The following RYR3 variants were observed in gnomAD, a reference collection of about 807,000 sequenced individuals.
RYR3 encodes ryanodine receptor 3, also known as brain ryanodine receptor-calcium release channel.
A neutral mutation model predicts 584.3 loss-of-function variants in RYR3; 207 were observed. That is an observed-to-expected ratio of 0.35 (90% CI 0.32 to 0.40). The LOEUF is 0.40. Among genes scored for constraint, RYR3 ranks in the 10% least tolerant of loss-of-function variants. The pLI is 1.00. For synonymous variants in RYR3, 2,416 were observed against 2,248.5 expected (o/e 1.07, Z -2.11); for missense variants, 5,616 against 6,089.2 (o/e 0.92, Z 2.59).
chr15:33,334,637 T>C (rs1170315982), intron 1 of RYR3, among the ~76,000 whole-genome samples: 1 of 152,060 alleles, frequency 6.6e-6, no homozygotes, highest in Admixed American at 6.6e-5. Flanking sequence ...AATTTCATAA[T>C]GAAGATGCCA....
intron 1 of RYR3, among the ~76,000 whole-genome samples, chr15:33,388,252 C>A (rs1440339246): frequency 6.6e-6 from 1 of 152,152 alleles, no homozygotes; most frequent in African/African-American, 2.4e-5. Context: ...ATTTAGATTT[C>A]TCTTCCCAGC....
chr15:33,403,719 A>G (rs1158960119), intron 1 of RYR3, among the ~76,000 whole-genome samples: 1 of 152,202 alleles, frequency 6.6e-6, no homozygotes, highest in East Asian at 1.9e-4. Flanking sequence ...TTTGTCTCCC[A>G]TTTGCTTCAT....
At chr15:33,461,247 T>A (rs2048021590) in intron 1 of RYR3, among the ~76,000 whole-genome samples, 2 of 152,086 alleles carry the variant, frequency 1.3e-5, no homozygotes, top group Admixed American at 6.5e-5. Flanking sequence ...CCCGGCCTAC[T>A]AATATCCAAC....
intron 4 of RYR3, among the ~76,000 whole-genome samples, chr15:33,530,910 GTTTC>G (rs1156310261): frequency 6.6e-6 from 1 of 152,062 alleles, no homozygotes; most frequent in Non-Finnish European, 1.5e-5. Context: ...AGAGGGCCAT[GTTTC>G]TTTCTTATTT....
rs1405964077 is a variant in RYR3 at position 33,662,496 on chromosome 15, G to C, written c.4966G>C (p.Gly1656Arg). 1 of 1,613,928 alleles carries C rather than the reference G, an allele frequency of 6.2e-7. No individual in the cohort carries two copies. Among genetic ancestry groups the C allele is most frequent in the African/African-American group, 1.3e-5 (1 of 75,012 alleles). Residue 1656 changes from glycine (G) to arginine (R), a missense_variant, in exon 35 of 104, where the codon GGC (glycine) becomes CGC (arginine). Physicochemically the swap from Gly to Arg is moderately radical, Grantham distance 125. Coordinates refer to ENST00000634891, the MANE Select transcript of RYR3 (RefSeq NM_001036.6). ...CAAGAGGCATGGACTGCCTGGGGTGGGCCTGAGAACATGTCTCAAGCCCGG... is the reference window on the plus strand; with the variant it reads ...CAAGAGGCATGGACTGCCTGGGGTGCGCCTGAGAACATGTCTCAAGCCCGG... ...ESKRHGLPGVGLRTCLKPGFR... is the reference protein window; with the variant it reads ...ESKRHGLPGVRLRTCLKPGFR...
At chr15:33,709,724 C>T (rs1241309043) in intron 43 of RYR3, among the ~76,000 whole-genome samples, 1 of 152,194 alleles carries the variant, frequency 6.6e-6, no homozygotes. Context: ...CCTCCAGAAT[C>T]ATGAGCCAAA....
At chr15:33,479,326 C>G (rs1245651824) in intron 2 of RYR3, among the ~76,000 whole-genome samples, 1 of 151,992 alleles carries the variant, frequency 6.6e-6, no homozygotes, top group Non-Finnish European at 1.5e-5. Context: ...ACAGACTCAT[C>G]CTAAGGTTGT....
intron 67 of RYR3, among the ~76,000 whole-genome samples, chr15:33,789,829 C>T (rs1431141469): frequency 5.6e-5 from 8 of 142,086 alleles, no homozygotes; most frequent in Non-Finnish European, 1.2e-4. Flanking sequence ...CGCAGGCCAC[C>T]ATGCCTGGCT....
At chr15:33,500,438 A>G (rs1297799690) in intron 2 of RYR3, among the ~76,000 whole-genome samples, 1 of 152,234 alleles carries the variant, frequency 6.6e-6, no homozygotes, top group Non-Finnish European at 1.5e-5. Context: ...TTTATGGAGC[A>G]TGGAGGATAT....
intron 98 of RYR3, 111 bp downstream of exon 98, chr15:33,855,023 G>A (rs2079498987): frequency 1.7e-6 from 2 of 1,155,526 alleles, no homozygotes; most frequent in Non-Finnish European, 2.3e-6. Flanking sequence ...GGTATATAAT[G>A]TACTTTTCTT....
intron 1 of RYR3, among the ~76,000 whole-genome samples, chr15:33,368,394 A>G (rs372388207): frequency 2.5e-5 from 3 of 122,008 alleles, no homozygotes; most frequent in African/African-American, 9.9e-5. Flanking sequence ...CAAGGTCTGG[A>G]TAACTAGTCT....
intron 1 of RYR3, among the ~76,000 whole-genome samples, chr15:33,444,191 G>A (rs1214246781): frequency 6.6e-6 from 1 of 152,140 alleles, no homozygotes; most frequent in African/African-American, 2.4e-5. Flanking sequence ...AGGGCCAAGA[G>A]GCTGTCACAG....
chr15:33,790,345 C>T (rs560810098), intron 67 of RYR3, among the ~76,000 whole-genome samples: 49 of 152,108 alleles, frequency 3.2e-4, no homozygotes, highest in African/African-American at 1.1e-3. Context: ...TTGATGGTGG[C>T]TGAGGCCAAG....
At chr15:33,503,530 T>C in intron 2 of RYR3, 101 bp from the exon 3 acceptor site, 5 of 700,906 alleles carry the variant, frequency 7.1e-6, no homozygotes, top group South Asian at 1.8e-5. Flanking sequence ...TCCATCCAAC[T>C]GTCATTTTGA....
At chr15:33,378,020 G>A (rs1481795206) in intron 1 of RYR3, among the ~76,000 whole-genome samples, 1 of 152,120 alleles carries the variant, frequency 6.6e-6, no homozygotes, top group African/African-American at 2.4e-5. Flanking sequence ...AGACTCAAGT[G>A]ATCCTCCTGC....
chr15:33,618,200 A>T (rs1015322142), intron 19 of RYR3, among the ~76,000 whole-genome samples: 1 of 152,232 alleles, frequency 6.6e-6, no homozygotes, highest in Admixed American at 6.5e-5. Context: ...GCATCATAGA[A>T]TATATTTTAT....
rs570978145 is a variant in RYR3, at chr15:33,748,205, C to T, written c.8081C>T (p.Ala2694Val). 7.4e-6 allele frequency: 12 copies of T among 1,613,850 alleles called. No homozygotes were observed. Among genetic ancestry groups the T allele is most frequent in the African/African-American group, 1.3e-5 (1 of 74,932 alleles). The change falls in exon 54 of 104, where the codon GCT (alanine) becomes GTT (valine). Residue 2694 changes from alanine to valine, a missense_variant. Ala to Val is a moderately conservative substitution (Grantham distance 64). Around this residue, in one of 9 missense-constraint regions of RYR3, gnomAD observed 1,280 missense variants for 1,426.2 expected, o/e 0.90. Transcript: ENST00000634891. ...GTGGAGAGGACCAAAGAGGGAGAAG[C>T]TTTGGTTCAACAGCGGGAAAATGAG... ...WTVERTKEGE[A>V]LVQQRENEKL... is the part of the protein sequence containing the mutation.
intron 2 of RYR3, among the ~76,000 whole-genome samples, chr15:33,477,576 A>T (rs2049497821): frequency 2.2e-4 from 4 of 18,074 alleles, no homozygotes; most frequent in South Asian, 1.1e-3. Context: ...TTGTTTTGTT[A>T]AAAAAAAAAA....
At position 33,859,711 on chromosome 15, in the gene RYR3, T is replaced by C; in HGVS notation, c.14279T>C (p.Ile4760Thr). ...DITFFFFVIV[I>T]LLAIIQGLII... ...ACCTTTTTCTTCTTCGTCATTGTCA[T>C]CTTGCTGGCCATCATTCAAGGTATG... Residue 4760 changes from isoleucine (I) to threonine (T), a missense_variant, in exon 100 of 104, where the codon ATC becomes ACC. Transcript: ENST00000634891. The C allele has an allele frequency of 6.2e-7, 1 of 1,610,744 alleles. No individual in the cohort carries two copies. The highest frequency in any genetic ancestry group is 8.5e-7 in the Non-Finnish European group (1 of 1,178,152).
Sources: gnomAD v4.1 joint callset for allele counts (sites outside exome capture counted in the v4.1 genomes callset) on GRCh38, gnomAD v4.1.1 for gene constraint, gnomAD v4.1.1 regional missense constraint, MANE v1.5 for transcripts, NCBI Gene and HGNC (gene_info 2026-07-23, HGNC 2026-07-21) for gene names.